The following ETS1 variants were observed in gnomAD, a reference collection of about 807,000 sequenced individuals.
ETS1 encodes the protein ETS proto-oncogene 1, transcription factor.
Under a neutral mutation model 58.6 loss-of-function variants are expected in ETS1, and 15 were observed. The observed-to-expected ratio is 0.26, with a 90% confidence interval of 0.17 to 0.39. The LOEUF is 0.39. Ranked by LOEUF, ETS1 falls within the 10% of genes least tolerant of loss-of-function variation. ETS1 has a pLI of 1.00. For missense variants in ETS1, 417 were observed against 610.5 expected (o/e 0.68, Z 3.34); for synonymous variants, 214 against 218.2 (o/e 0.98, Z 0.17).
chr11:128,578,025 A>C (rs1288504332), intron 1 of ETS1, among the ~76,000 whole-genome samples: 1 of 152,050 alleles, frequency 6.6e-6, no homozygotes, highest in Admixed American at 6.6e-5. Flanking sequence ...AAAAGTCAAC[A>C]CTTTGGCTTA....
intron 3 of ETS1, among the ~76,000 whole-genome samples, chr11:128,521,609 G>A (rs1482115853): frequency 6.6e-6 from 1 of 151,996 alleles, no homozygotes; most frequent in Non-Finnish European, 1.5e-5. Flanking sequence ...CGCTCATTTG[G>A]GAAAATAAAA....
rs1384094833 is a variant in ETS1 at position 128,585,137 on chromosome 11, A to AAG, written c.-15+2350_-15+2351insCT. Among the ~76,000 whole-genome samples, 23 of 3,836 alleles carry AAG rather than the reference A, an allele frequency of 6.0e-3. 1 individual carries two copies. The South Asian group carries it at 0.087, about 15-fold the overall frequency. 2.5% of individuals were successfully genotyped at this position (3,836 alleles called of 152,430 possible). On this transcript the variant is annotated intron_variant, in intron 1 of 9. Coordinates refer to ENST00000392668, the MANE Select transcript of ETS1 (RefSeq NM_001143820.2). ...GAAGGAAAGAAAGAAGAAAGAAAGAAAAGAAAGAAAGAAAGAAAGAAAGAA... is the reference window on the plus strand; with the variant it reads ...GAAGGAAAGAAAGAAGAAAGAAAGAAAGAAGAAAGAAAGAAAGAAAGAAAGAA...
chr11:128,480,085 A>T (rs1352007382), intron 8 of ETS1, 106 bp downstream of exon 8: 1 of 1,457,960 alleles, frequency 6.9e-7, no homozygotes, highest in Non-Finnish European at 9.2e-7. Flanking sequence ...TGCCCTGCAA[A>T]AGGGAGTCTC....
intron 1 of ETS1, among the ~76,000 whole-genome samples, chr11:128,586,758 T>C (rs368847640): frequency 2.0e-5 from 3 of 152,184 alleles, no homozygotes; most frequent in African/African-American, 7.2e-5. Flanking sequence ...CCTTTAACGG[T>C]GGGTGAGGAG....
chr11:128,491,371 A>C (rs540267439), intron 3 of ETS1, among the ~76,000 whole-genome samples: 1 of 152,352 alleles, frequency 6.6e-6, no homozygotes, highest in Non-Finnish European at 1.5e-5. Context: ...TAAATGTTCA[A>C]ATGCAATGTC....
intron 8 of ETS1, among the ~76,000 whole-genome samples, chr11:128,475,319 A>G (rs995589720): frequency 1.1e-4 from 17 of 152,230 alleles, no homozygotes; most frequent in Non-Finnish European, 1.5e-5. Flanking sequence ...AGGGCTTTGA[A>G]GCACTTCCTT....
At chr11:128,469,024 G>T (rs371219418) in intron 8 of ETS1, among the ~76,000 whole-genome samples, 2 of 152,150 alleles carry the variant, frequency 1.3e-5, no homozygotes, top group African/African-American at 2.4e-5. Flanking sequence ...CTGAAGAAAG[G>T]CATATGGATT....
intron 1 of ETS1, among the ~76,000 whole-genome samples, chr11:128,587,136 T>C (rs1214617688): frequency 6.9e-6 from 1 of 145,058 alleles, no homozygotes; most frequent in Non-Finnish European, 1.5e-5. Context: ...TATATTTAAC[T>C]ACAGCTTTAT....
chr11:128,495,963 C>A (rs944575736), intron 3 of ETS1, among the ~76,000 whole-genome samples: 3 of 151,894 alleles, frequency 2.0e-5, no homozygotes, highest in Non-Finnish European at 4.4e-5. Context: ...TCAATACTAC[C>A]CGTTTTTATT....
At chr11:128,583,212 G>T (rs1457227496) in intron 1 of ETS1, among the ~76,000 whole-genome samples, 1 of 152,182 alleles carries the variant, frequency 6.6e-6, no homozygotes, top group East Asian at 1.9e-4. Flanking sequence ...AACAAGGTAG[G>T]TGTTTAGGAG....
chr11:128,524,927 T>C (rs1433775807), intron 3 of ETS1, among the ~76,000 whole-genome samples: 1 of 152,108 alleles, frequency 6.6e-6, no homozygotes, highest in Non-Finnish European at 1.5e-5. Flanking sequence ...GTTACATGTA[T>C]GCCTCAGTGT....
At chr11:128,533,094 A>G (rs2135533736) in intron 3 of ETS1, among the ~76,000 whole-genome samples, 1 of 152,212 alleles carries the variant, frequency 6.6e-6, no homozygotes, top group South Asian at 2.1e-4. Flanking sequence ...CATCCTTATC[A>G]ATGTTGGTGA....
chr11:128,509,740 T>C (rs1429329788), intron 3 of ETS1, among the ~76,000 whole-genome samples: 3 of 152,030 alleles, frequency 2.0e-5, no homozygotes, highest in Non-Finnish European at 4.4e-5. Flanking sequence ...TCTCTCCAAA[T>C]GGATTCTGTC....
At position 128,460,115 on chromosome 11, in the gene ETS1, C is replaced by CA. The variant is rs760335083; in HGVS notation, c.*2245dup. 0.014 allele frequency: 2,041 copies of CA among 145,694 alleles called. 36 individuals carry two copies. Among genetic ancestry groups the CA allele is most frequent in the Non-Finnish European group, 0.019 (1,244 of 65,772 alleles). The allele number at this position is 145,694 out of a possible 1,614,324, so 9.0% of individuals were successfully genotyped here. On this transcript the variant is annotated 3_prime_UTR_variant, in exon 10 of 10. Coordinates refer to ENST00000392668, the MANE Select transcript of ETS1 (RefSeq NM_001143820.2). The stretch of plus-strand genomic sequence containing the variant: ...ACACACACACACACACACACACACA[C>CA]AACATTCACACACATGCACACATTC...
chr11:128,513,501 C>T (rs1157815824), intron 3 of ETS1, among the ~76,000 whole-genome samples: 1 of 152,202 alleles, frequency 6.6e-6, no homozygotes, highest in Admixed American at 6.5e-5. Context: ...ATTTCATACA[C>T]AATATTTATT....
chr11:128,522,247 T>A (rs1209335205), intron 3 of ETS1: 1 of 1,187,728 alleles, frequency 8.4e-7, no homozygotes, highest in Non-Finnish European at 1.0e-6. Flanking sequence ...CGCCCGCTCC[T>A]CCTGCCCGGC....
intron 5 of ETS1, among the ~76,000 whole-genome samples, chr11:128,488,706 T>C (rs1366464433): frequency 2.6e-5 from 4 of 152,198 alleles, no homozygotes; most frequent in Non-Finnish European, 1.5e-5. Flanking sequence ...TGGAAGAGGC[T>C]GTTAGGGGAG....
intron 8 of ETS1, among the ~76,000 whole-genome samples, chr11:128,466,280 C>A (rs1195944952): frequency 1.3e-5 from 2 of 152,198 alleles, no homozygotes; most frequent in African/African-American, 4.8e-5. Context: ...ATCTGAAAAT[C>A]TCTTTGGGGC....
intron 1 of ETS1, among the ~76,000 whole-genome samples, chr11:128,584,101 C>T (rs1591682065): frequency 5.3e-5 from 8 of 152,182 alleles, no homozygotes; most frequent in Admixed American, 5.2e-4. Context: ...CAGCACAAGG[C>T]TGGGCATGGA....
Sources: gnomAD v4.1 joint callset for allele counts (sites outside exome capture counted in the v4.1 genomes callset) on GRCh38, gnomAD v4.1.1 for gene constraint, MANE v1.5 for transcripts, NCBI Gene and HGNC (gene_info 2026-07-23, HGNC 2026-07-21) for gene names.